The following TRPM3 variants were observed in gnomAD, a reference collection of about 807,000 sequenced individuals.
TRPM3 encodes long transient receptor potential channel 3.
Under a neutral mutation model 181.2 loss-of-function variants are expected in TRPM3, and 77 were observed. The ratio of observed to expected loss-of-function variants is 0.42; its 90% CI spans 0.35 to 0.51. The LOEUF (loss-of-function observed/expected upper bound fraction) is 0.51. Among genes scored for constraint, TRPM3 ranks in the 20% least tolerant of loss-of-function variants. The pLI, the probability that TRPM3 is intolerant of heterozygous loss-of-function variation, is 0.01. For synonymous variants in TRPM3, 745 were observed against 796.4 expected (o/e 0.94, Z 1.09); for missense variants, 1,759 against 2,196.7 (o/e 0.80, Z 3.98).
At chr9:71,113,865 T>C (rs2071701804) in intron 1 of TRPM3, among the ~76,000 whole-genome samples, 1 of 152,202 alleles carries the variant, frequency 6.6e-6, no homozygotes, top group Non-Finnish European at 1.5e-5. Flanking sequence ...GAAGCAGATA[T>C]TCTCAAATGT....
At position 70,553,257 on chromosome 9, in the gene TRPM3, G is replaced by C. The variant is rs565487532; in HGVS notation, c.3277C>G (p.Pro1093Ala). The C allele has an allele frequency of 3.1e-6, 5 of 1,614,144 alleles. No homozygotes were observed. In the African/African-American group the frequency reaches 6.7e-5, roughly 22 times the overall value. The change falls in exon 23 of 26, where the codon CCC becomes GCC. Residue 1093 changes from proline (P) to alanine (A), a missense_variant. By Grantham distance (27) the Pro-to-Ala change is conservative. Around this residue, in one of 8 missense-constraint regions of TRPM3, gnomAD observed 94 missense variants for 221.3 expected, o/e 0.42. Coordinates refer to ENST00000677713, the MANE Select transcript of TRPM3 (RefSeq NM_001366145.2). ...REDGKIIQLP[P>A]CKTGAWIVPA... ...ACGATCCAAGCTCCTGTCTTGCAGG[G>C]AGGCAGCTGGATTATTTTACCATCC...
intron 1 of TRPM3, among the ~76,000 whole-genome samples, chr9:71,019,237 A>C (rs1021844048): frequency 1.3e-5 from 2 of 152,052 alleles, no homozygotes; most frequent in African/African-American, 2.4e-5. Flanking sequence ...ACTTTTGTTC[A>C]ATATTTATTG....
chr9:70,782,588 T>C (rs2082703438), intron 7 of TRPM3, among the ~76,000 whole-genome samples: 1 of 152,136 alleles, frequency 6.6e-6, no homozygotes, highest in African/African-American at 2.4e-5. Flanking sequence ...TAGAGAAGTT[T>C]GGGTACATAT....
intron 24 of TRPM3, among the ~76,000 whole-genome samples, chr9:70,552,557 T>G (rs2046722349): frequency 6.6e-6 from 1 of 152,210 alleles, no homozygotes; most frequent in South Asian, 2.1e-4. Flanking sequence ...GCAAGAAACT[T>G]AGAACTTATG....
intron 1 of TRPM3, among the ~76,000 whole-genome samples, chr9:70,923,251 T>C (rs987900921): frequency 9.9e-5 from 15 of 152,210 alleles, no homozygotes; most frequent in Non-Finnish European, 1.5e-5. Context: ...TTACACTTTT[T>C]AATACATGTT....
intron 22 of TRPM3, among the ~76,000 whole-genome samples, chr9:70,581,181 C>A (rs1053551296): frequency 6.6e-6 from 1 of 152,216 alleles, no homozygotes; most frequent in African/African-American, 2.4e-5. Context: ...CAAGAAATAG[C>A]CCCTCTATCC....
intron 1 of TRPM3, among the ~76,000 whole-genome samples, chr9:71,347,250 A>G (rs563852530): frequency 8.5e-5 from 13 of 152,338 alleles, no homozygotes; most frequent in Non-Finnish European, 1.6e-4. Flanking sequence ...ATGTTGATAC[A>G]TGATAGACAT....
chr9:71,427,128 A>AT (rs1473796007), intron 1 of TRPM3, among the ~76,000 whole-genome samples: 2 of 152,078 alleles, frequency 1.3e-5, no homozygotes, highest in East Asian at 1.9e-4. Context: ...GCCTTACGGT[A>AT]TTTTTTTTCT....
chr9:70,918,523 G>A (rs985304429), intron 1 of TRPM3, among the ~76,000 whole-genome samples: 2 of 151,960 alleles, frequency 1.3e-5, no homozygotes, highest in African/African-American at 4.8e-5. Flanking sequence ...ATGACCAGTG[G>A]GTCAATGAAG....
At chr9:70,860,382 A>G (rs2095492038) in intron 3 of TRPM3, among the ~76,000 whole-genome samples, 1 of 152,190 alleles carries the variant, frequency 6.6e-6, no homozygotes, top group African/African-American at 2.4e-5. Flanking sequence ...TGTAGGAAGA[A>G]TACCAACAGA....
At chr9:70,743,166 C>T (rs1209786764) in intron 8 of TRPM3, among the ~76,000 whole-genome samples, 1 of 152,276 alleles carries the variant, frequency 6.6e-6, no homozygotes, top group East Asian at 1.9e-4. Flanking sequence ...ACAAGTAGTA[C>T]TTCGAGTTGT....
At chr9:71,238,746 A>T (rs577807613) in intron 1 of TRPM3, among the ~76,000 whole-genome samples, 1 of 152,316 alleles carries the variant, frequency 6.6e-6, no homozygotes, top group Non-Finnish European at 1.5e-5. Flanking sequence ...AATACATTTA[A>T]GGGTAAGGGG....
At chr9:71,097,244 A>G (rs548258952) in intron 1 of TRPM3, among the ~76,000 whole-genome samples, 2 of 152,270 alleles carry the variant, frequency 1.3e-5, no homozygotes, top group East Asian at 3.9e-4. Flanking sequence ...AGTGATATTC[A>G]GAACACTTAG....
intron 1 of TRPM3, among the ~76,000 whole-genome samples, chr9:71,362,979 C>G (rs913181282): frequency 6.6e-6 from 1 of 152,048 alleles, no homozygotes; most frequent in Non-Finnish European, 1.5e-5. Flanking sequence ...AACAAGCAAA[C>G]GAACCAAGAA....
chr9:70,597,181 C>A (rs1333927737), intron 21 of TRPM3, among the ~76,000 whole-genome samples: 1 of 152,130 alleles, frequency 6.6e-6, no homozygotes, highest in Non-Finnish European at 1.5e-5. Context: ...GATCTGCCCA[C>A]CCTGGCCTCC....
chr9:70,944,029 C>T (rs780635208), intron 1 of TRPM3, among the ~76,000 whole-genome samples: 4 of 152,188 alleles, frequency 2.6e-5, no homozygotes, highest in African/African-American at 4.8e-5. Context: ...GTCCGCCCCC[C>T]ACCTTGGCCT....
intron 1 of TRPM3, among the ~76,000 whole-genome samples, chr9:71,007,773 G>A (rs568046348): frequency 7.2e-5 from 11 of 152,030 alleles, no homozygotes; most frequent in South Asian, 2.1e-4. Flanking sequence ...GAATACAACC[G>A]ATCAAACACT....
chr9:71,201,382 G>T (rs907033906), intron 1 of TRPM3, among the ~76,000 whole-genome samples: 2 of 152,092 alleles, frequency 1.3e-5, no homozygotes, highest in Non-Finnish European at 2.9e-5. Context: ...GAGTATCTTT[G>T]TGGTGTTCTC....
intron 1 of TRPM3, among the ~76,000 whole-genome samples, chr9:70,961,978 T>C (rs762452750): frequency 3.9e-5 from 6 of 152,152 alleles, no homozygotes; most frequent in Admixed American, 6.6e-5. Flanking sequence ...CTGTGATTAC[T>C]GATCAATAAT....
Sources: gnomAD v4.1 joint callset for allele counts (sites outside exome capture counted in the v4.1 genomes callset) on GRCh38, gnomAD v4.1.1 for gene constraint, gnomAD v4.1.1 regional missense constraint, MANE v1.5 for transcripts, NCBI Gene and HGNC (gene_info 2026-07-23, HGNC 2026-07-21) for gene names.